Variants in BABAM2 observed in about 807,000 individuals in gnomAD.
The protein encoded by BABAM2 is BRISC and BRCA1 A complex member 2.
In BABAM2, 31 loss-of-function variants were observed where a neutral mutation model predicts 54.7. The ratio of observed to expected loss-of-function variants is 0.57; its 90% CI spans 0.43 to 0.77. The LOEUF (loss-of-function observed/expected upper bound fraction) is 0.77. Among genes scored for constraint, BABAM2 ranks in the 30% least tolerant of loss-of-function variants. The probability of loss-of-function intolerance (pLI) is 0.00; values close to 1 mark genes in which losing one functional copy is unlikely to be tolerated. For missense variants in BABAM2, 364 were observed against 455.8 expected (o/e 0.80, Z 1.83); for synonymous variants, 167 against 162.9 (o/e 1.03, Z -0.19).
chr2:28,085,301 A>C (rs1665540718), intron 6 of BABAM2, among the ~76,000 whole-genome samples: 3 of 152,236 alleles, frequency 2.0e-5, no homozygotes, highest in Non-Finnish European at 4.4e-5. Context: ...TGTTTTACTC[A>C]AGTAACAGTA....
In BABAM2 at chr2:28,106,721, TA is replaced by T. The variant is rs528593505; in HGVS notation, c.571-22547del. On this transcript the variant is annotated intron_variant, in intron 6 of 11. Transcript: ENST00000379624. The stretch of plus-strand genomic sequence containing the variant: ...GCAGTGTCTGTTGGGGTTTCCACTG[TA>T]AAGTTACTTTTTTCCCCTTTGTCAT... Among the ~76,000 whole-genome samples the T allele has an allele frequency of 3.7e-3, 562 of 152,352 alleles. 6 individuals are homozygous for T. Among genetic ancestry groups the T allele is most frequent in the African/African-American group, 0.013 (547 of 41,594 alleles).
At chr2:28,244,966 T>C in intron 10 of BABAM2, 104 bp downstream of exon 10, 1 of 923,452 alleles carries the variant, frequency 1.1e-6, no homozygotes, top group Non-Finnish European at 1.7e-6. Context: ...CTCGGTTCCT[T>C]TTACTGTAGC....
intron 10 of BABAM2, among the ~76,000 whole-genome samples, chr2:28,258,667 G>T (rs1222703431): frequency 1.5e-5 from 2 of 131,922 alleles, no homozygotes; most frequent in African/African-American, 2.8e-5. Context: ...AGGCTGTAGT[G>T]CAGTGGCGCC....
chr2:28,067,501 T>C (rs536659206), intron 6 of BABAM2, among the ~76,000 whole-genome samples: 2 of 152,310 alleles, frequency 1.3e-5, no homozygotes, highest in South Asian at 2.1e-4. Flanking sequence ...CCATCAGATA[T>C]GGCATTATAC....
intron 3 of BABAM2, among the ~76,000 whole-genome samples, chr2:27,937,940 T>C (rs1023131697): frequency 6.6e-6 from 1 of 152,238 alleles, no homozygotes; most frequent in Non-Finnish European, 1.5e-5. Flanking sequence ...TAGTTTCCGA[T>C]CTTACGTTTA....
chr2:28,331,699 A>G (rs1690971796), intron 11 of BABAM2, among the ~76,000 whole-genome samples: 1 of 152,220 alleles, frequency 6.6e-6, no homozygotes. Context: ...AGAAGTAGGA[A>G]CGCTTTTACA....
chr2:27,954,372 G>A (rs1669942804), intron 3 of BABAM2, among the ~76,000 whole-genome samples: 2 of 152,266 alleles, frequency 1.3e-5, no homozygotes, highest in African/African-American at 4.8e-5. Context: ...CAGCAGCACT[G>A]TGAGGGACTG....
chr2:28,074,417 C>T (rs1480428308), intron 6 of BABAM2, among the ~76,000 whole-genome samples: 2 of 152,080 alleles, frequency 1.3e-5, no homozygotes, highest in Non-Finnish European at 2.9e-5. Flanking sequence ...CAAATGTCCC[C>T]GGGAGGGCAA....
At chr2:28,149,489 A>G (rs1671814177) in intron 7 of BABAM2, among the ~76,000 whole-genome samples, 1 of 152,228 alleles carries the variant, frequency 6.6e-6, no homozygotes, top group Non-Finnish European at 1.5e-5. Flanking sequence ...TGCAAGCTAG[A>G]TAGGGCCGGC....
At chr2:28,132,222 T>A (rs914979811) in intron 7 of BABAM2, among the ~76,000 whole-genome samples, 16 of 150,304 alleles carry the variant, frequency 1.1e-4, no homozygotes, top group African/African-American at 3.9e-4. Context: ...CACTGCAAGC[T>A]CCGCCTCCCG....
At chr2:27,976,594 A>G (rs573142639) in intron 3 of BABAM2, among the ~76,000 whole-genome samples, 5 of 152,316 alleles carry the variant, frequency 3.3e-5, no homozygotes, top group Admixed American at 1.3e-4. Flanking sequence ...GCATGAAGAC[A>G]TATTGGAGAG....
intron 2 of BABAM2, among the ~76,000 whole-genome samples, chr2:27,904,544 G>A (rs939707780): frequency 1.6e-4 from 25 of 152,176 alleles, no homozygotes. Flanking sequence ...AAATTTTCAT[G>A]TTAGAGATGC....
intron 3 of BABAM2, among the ~76,000 whole-genome samples, chr2:27,936,590 C>T (rs1573209354): frequency 6.6e-6 from 1 of 152,192 alleles, no homozygotes; most frequent in Non-Finnish European, 1.5e-5. Context: ...AAATGTGGCA[C>T]ATATACACCA....
intron 7 of BABAM2, among the ~76,000 whole-genome samples, chr2:28,175,731 A>G (rs1674856056): frequency 6.6e-6 from 1 of 152,138 alleles, no homozygotes; most frequent in Admixed American, 6.5e-5. Context: ...ACTCCAGCCT[A>G]CCACTGCCAC....
At chr2:28,166,517 G>A (rs1286984241) in intron 7 of BABAM2, among the ~76,000 whole-genome samples, 3 of 152,162 alleles carry the variant, frequency 2.0e-5, no homozygotes, top group African/African-American at 7.2e-5. Flanking sequence ...TGCCCTGGAT[G>A]GCTGCATCAA....
intron 7 of BABAM2, among the ~76,000 whole-genome samples, chr2:28,140,493 A>C (rs1319469628): frequency 6.6e-6 from 1 of 152,154 alleles, no homozygotes; most frequent in Non-Finnish European, 1.5e-5. Context: ...ATTTGTCAAA[A>C]CCCATAGAAC....
At chr2:27,973,951 T>A (rs1279392167) in intron 3 of BABAM2, among the ~76,000 whole-genome samples, 1 of 152,184 alleles carries the variant, frequency 6.6e-6, no homozygotes, top group Non-Finnish European at 1.5e-5. Context: ...TTAAGTGAAA[T>A]GAACACATTC....
intron 7 of BABAM2, among the ~76,000 whole-genome samples, chr2:28,234,019 G>C (rs1242064866): frequency 6.6e-6 from 1 of 152,128 alleles, no homozygotes; most frequent in Non-Finnish European, 1.5e-5. Flanking sequence ...CAGACCTACT[G>C]TTTCTTCCCA....
intron 7 of BABAM2, among the ~76,000 whole-genome samples, chr2:28,141,486 G>GT (rs1671051040): frequency 6.6e-6 from 1 of 152,164 alleles, no homozygotes; most frequent in Non-Finnish European, 1.5e-5. Context: ...TTAGGAAGCA[G>GT]TTTTTACCCC....
Sources: allele counts gnomAD v4.1 joint callset (sites outside exome capture counted in the v4.1 genomes callset), GRCh38; gene constraint gnomAD v4.1.1; transcripts MANE v1.5; gene names NCBI Gene and HGNC (gene_info 2026-07-23, HGNC 2026-07-21).